POLD3: variants seen among roughly 807,000 people sequenced by gnomAD.
The protein encoded by POLD3 is DNA polymerase delta 3, accessory subunit, also known as DNA polymerase delta subunit 3.
A neutral mutation model predicts 58.2 loss-of-function variants in POLD3; 19 were observed. The ratio of observed to expected loss-of-function variants is 0.33; its 90% CI spans 0.23 to 0.48. POLD3 has a LOEUF of 0.48. POLD3 is among the 20% of genes least tolerant of loss of function. The pLI, the probability that POLD3 is intolerant of heterozygous loss-of-function variation, is 0.99. For missense variants in POLD3, 504 were observed against 545.5 expected (o/e 0.92, Z 0.76); for synonymous variants, 172 against 193.5 (o/e 0.89, Z 0.92).
intron 2 of POLD3, 96 bp downstream of exon 2, chr11:74,594,212 G>A: frequency 2.7e-6 from 2 of 748,072 alleles, no homozygotes; most frequent in Non-Finnish European, 4.7e-6. Context: ...ACATAGATTA[G>A]AGCTAATTTG....
chr11:74,615,006 T>C (rs578127780), intron 5 of POLD3, among the ~76,000 whole-genome samples: 2 of 152,204 alleles, frequency 1.3e-5, no homozygotes, highest in East Asian at 1.9e-4. Context: ...GGGGTAAAGA[T>C]AGAGATTTTG....
In POLD3 at chr11:74,642,670, A is replaced by C; in HGVS notation, c.*1904A>C. 3.1e-6 allele frequency: 3 copies of C among 982,160 alleles called. No individual in the cohort carries two copies. Among genetic ancestry groups the C allele is most frequent in the Non-Finnish European group, 3.6e-6 (3 of 827,622 alleles). The allele number at this position is 982,160 out of a possible 1,614,324, so 60.8% of individuals were successfully genotyped here. A position where few individuals can be genotyped will look rare whatever the true frequency, so the allele number is the denominator to read the frequency against. ...TGAGTGGTGTTTTTTTTTTCTTTTT[A>C]TACAATACCATGTTAACCACATGAG... On this transcript the variant is annotated 3_prime_UTR_variant, in exon 12 of 12. Transcript: ENST00000263681.
At chr11:74,668,601 G>A (rs2073757786) in intron 4 of POLD3, among the ~76,000 whole-genome samples, 1 of 152,140 alleles carries the variant, frequency 6.6e-6, no homozygotes, top group Admixed American at 6.5e-5. Flanking sequence ...GATTTAGAAG[G>A]TGAAGGAAAA....
intron 3 of POLD3, among the ~76,000 whole-genome samples, chr11:74,606,484 A>T (rs570745782): frequency 6.6e-6 from 1 of 152,166 alleles, no homozygotes; most frequent in Non-Finnish European, 1.5e-5. Context: ...AGTGCTTTTT[A>T]TTCTTTTTTT....
intron 4 of POLD3, among the ~76,000 whole-genome samples, chr11:74,649,536 C>G (rs1161385036): frequency 6.6e-6 from 1 of 152,158 alleles, no homozygotes; most frequent in Non-Finnish European, 1.5e-5. Context: ...TGATTTAATT[C>G]TTTTCTAGCA....
At chr11:74,618,862 C>T in intron 6 of POLD3, 58 bp downstream of exon 6, 1 of 1,410,020 alleles carries the variant, frequency 7.1e-7, no homozygotes, top group Admixed American at 2.0e-5. Flanking sequence ...ACTAGAAAAG[C>T]ATTAATGGTT....
chr11:74,643,440 T>A (rs2032961735), downstream of POLD3, among the ~76,000 whole-genome samples: 1 of 152,094 alleles, frequency 6.6e-6, no homozygotes, highest in African/African-American at 2.4e-5. Context: ...TCCTCACAAT[T>A]TAGTGGAAGG....
At chr11:74,654,393 A>T (rs1370353449) in intron 4 of POLD3, among the ~76,000 whole-genome samples, 2 of 151,936 alleles carry the variant, frequency 1.3e-5, no homozygotes, top group Admixed American at 1.3e-4. Context: ...ATACTCGTAA[A>T]CGTGCACACA....
intron 4 of POLD3, among the ~76,000 whole-genome samples, chr11:74,649,005 C>T (rs952658323): frequency 1.3e-5 from 2 of 152,074 alleles, no homozygotes; most frequent in Non-Finnish European, 2.9e-5. Flanking sequence ...TTTGCTAGGT[C>T]GTCTCATGCT....
At position 74,620,226 on chromosome 11, in the gene POLD3, C is replaced by T. The variant is rs371074276; in HGVS notation, c.733+137C>T. ...TGCATTCTAACAAATTTCCAGTGTA[C>T]TGCCCAATATATTGATGAAAGTAAC... is the stretch of plus-strand genomic sequence containing the variant. On this transcript the variant is annotated intron_variant, in intron 7 of 11. Transcript: ENST00000263681. The T allele has an allele frequency of 2.7e-5, 18 of 676,948 alleles. No individual in the cohort carries two copies. The African/African-American group carries it at 3.2e-4, about 12-fold the overall frequency. 41.9% of individuals were successfully genotyped at this position (676,948 alleles called of 1,614,324 possible).
At chr11:74,634,749 C>A in intron 10 of POLD3, 54 bp downstream of exon 10, 1 of 980,930 alleles carries the variant, frequency 1.0e-6, no homozygotes, top group Non-Finnish European at 1.7e-6. Context: ...GTCTTAAGGA[C>A]CTACAACCAC....
chr11:74,651,401 TC>T lies in POLD3; in HGVS notation c.369+15127del, dbSNP rs145687496. ...CATTCATTTAACAAATTACCTTGTG[TC>T]TCCATAGAGGGTACTGCCAAGCCCT... is the stretch of plus-strand genomic sequence containing the variant. On this transcript the variant is annotated intron_variant, in intron 4 of 4. Coordinates refer to the POLD3 transcript ENST00000524752. 7.9e-3 allele frequency among the ~76,000 whole-genome samples: 1,208 copies of T among 152,280 alleles called. 3 individuals carry two copies. The highest frequency in any genetic ancestry group is 0.034 in the Middle Eastern group (10 of 294).
At chr11:74,650,246 T>TAGACAGC (rs2033051472) in intron 4 of POLD3, among the ~76,000 whole-genome samples, 1 of 152,184 alleles carries the variant, frequency 6.6e-6, no homozygotes, top group Non-Finnish European at 1.5e-5. Context: ...CTTTGTGCTG[T>TAGACAGC]AGACAGCACA....
chr11:74,614,710 A>T (rs1334825061), intron 5 of POLD3, among the ~76,000 whole-genome samples: 1 of 11,300 alleles, frequency 8.8e-5, no homozygotes, highest in African/African-American at 3.3e-4. Flanking sequence ...ACTCCAGCTC[A>T]AAAAAAAAAA....
downstream of POLD3, among the ~76,000 whole-genome samples, chr11:74,647,603 C>T (rs1483778821): frequency 1.3e-5 from 2 of 152,186 alleles, no homozygotes; most frequent in Non-Finnish European, 2.9e-5. Flanking sequence ...ACAAATGTGG[C>T]TTGAGTCATT....
intron 7 of POLD3, among the ~76,000 whole-genome samples, chr11:74,625,071 T>C (rs935866237): frequency 2.6e-5 from 4 of 152,194 alleles, no homozygotes; most frequent in Admixed American, 1.3e-4. Context: ...AACTGTGTAT[T>C]GTTGGGAAAC....
At chr11:74,647,849 T>G (rs1321676114), downstream of POLD3, among the ~76,000 whole-genome samples, 1 of 152,180 alleles carries the variant, frequency 6.6e-6, no homozygotes, top group Non-Finnish European at 1.5e-5. Flanking sequence ...TACTATCTAG[T>G]GAGGAGAGAG....
intron 4 of POLD3, among the ~76,000 whole-genome samples, chr11:74,666,701 C>G (rs10793101): frequency 6.6e-6 from 1 of 151,932 alleles, no homozygotes; most frequent in African/African-American, 2.4e-5. Context: ...AAAATCCCAG[C>G]TGGATTTTTT....
At chr11:74,614,801 G>A (rs569656776) in intron 5 of POLD3, among the ~76,000 whole-genome samples, 2 of 152,202 alleles carry the variant, frequency 1.3e-5, no homozygotes, top group South Asian at 2.1e-4. Context: ...GGTATTGAAA[G>A]GTTGATACCC....
Sources: gnomAD v4.1 joint callset for allele counts (sites outside exome capture counted in the v4.1 genomes callset) on GRCh38, gnomAD v4.1.1 for gene constraint, MANE v1.5 for transcripts, NCBI Gene and HGNC (gene_info 2026-07-23, HGNC 2026-07-21) for gene names.